The following PRKG2 variants were observed in gnomAD, a reference collection of about 807,000 sequenced individuals.
The protein encoded by PRKG2 is protein kinase cGMP-dependent 2.
PRKG2 carries 33 observed loss-of-function variants against 97.2 expected under a neutral mutation model. The observed-to-expected ratio is 0.34, with a 90% CI of 0.26 to 0.45. The LOEUF is 0.45. Among genes scored for constraint, PRKG2 ranks in the 20% least tolerant of loss-of-function variants. PRKG2 has a pLI of 1.00. For missense variants in PRKG2, 638 were observed against 900.0 expected, an observed-to-expected ratio of 0.71 and a Z score of 3.73; for synonymous variants, 330 against 321.8, an observed-to-expected ratio of 1.03 and a Z score of -0.27.
intron 2 of PRKG2, among the ~76,000 whole-genome samples, chr4:81,200,948 G>C (rs1290808125): frequency 1.3e-5 from 2 of 152,152 alleles, no homozygotes; most frequent in African/African-American, 2.4e-5. Flanking sequence ...TCCCTACAAA[G>C]AGCTATGATA....
rs1374521261 is a variant in PRKG2 at position 81,171,800 on chromosome 4, A to G, written c.633T>C (p.Gly211=). Residue 211 remains glycine, a synonymous_variant, in exon 4 of 19, where the codon GGT becomes GGC. Transcript: ENST00000264399. ...PGNHIFVLAE[G]RLEVFQGEKL... is the part of the protein sequence containing the mutation. ...TCTCCCCTTGGAACACCTCTAGTCGACCCTCTATCAAGCAGAATTTTAAAA... is the reference window on the plus strand; with the variant it reads ...TCTCCCCTTGGAACACCTCTAGTCGGCCCTCTATCAAGCAGAATTTTAAAA... 3 of 1,598,530 alleles carry G rather than the reference A, an allele frequency of 1.9e-6. 1 individual carries two copies. In the South Asian group the frequency reaches 3.4e-5, roughly 18 times the overall value.
intron 2 of PRKG2, among the ~76,000 whole-genome samples, chr4:81,201,335 C>G (rs1753298843): frequency 6.6e-6 from 1 of 152,176 alleles, no homozygotes; most frequent in Admixed American, 6.5e-5. Flanking sequence ...TATCGTAAAG[C>G]ATGGATTATA....
At chr4:81,217,452 A>G (rs540363542), upstream of PRKG2, among the ~76,000 whole-genome samples, 6 of 152,300 alleles carry the variant, frequency 3.9e-5, no homozygotes, top group African/African-American at 1.4e-4. Context: ...TGCTCTGTCA[A>G]ATCTACAACT....
chr4:81,096,427 T>A (rs1466516268), intron 17 of PRKG2, among the ~76,000 whole-genome samples: 2 of 152,024 alleles, frequency 1.3e-5, no homozygotes, highest in African/African-American at 4.8e-5. Context: ...TTCCAGCTAC[T>A]CAGGAGGCTA....
At chr4:81,131,952 A>T (rs1193333059) in intron 14 of PRKG2, among the ~76,000 whole-genome samples, 1 of 152,128 alleles carries the variant, frequency 6.6e-6, no homozygotes, top group African/African-American at 2.4e-5. Flanking sequence ...ATTTTAGAAT[A>T]AACATCTCCA....
chr4:81,092,513 G>A lies in PRKG2; in HGVS notation c.2127-61C>T, dbSNP rs78382180. On this transcript the variant is annotated intron_variant, in intron 17 of 18. Coordinates refer to ENST00000264399, the MANE Select transcript of PRKG2 (RefSeq NM_006259.3). ...GGAAGGAAGGAAGGAAGGAAGGAAG[G>A]GAGAAAGAAAGAGACGACAAAAAGG... 1.3e-3 allele frequency: 1,235 copies of A among 983,310 alleles called. 15 individuals are homozygous for A. In the African/African-American group the frequency reaches 0.018, roughly 15 times the overall value. The allele number at this position is 983,310 out of a possible 1,614,324, so 60.9% of individuals were successfully genotyped here. A position where few individuals can be genotyped will look rare whatever the true frequency, so the allele number is the denominator to read the frequency against.
intron 3 of PRKG2, 62 bp downstream of exon 3, chr4:81,174,727 ATGTT>A: frequency 6.9e-7 from 1 of 1,443,866 alleles, no homozygotes; most frequent in Non-Finnish European, 9.4e-7. Context: ...GTTTTTATAA[ATGTT>A]TGCAGAAAAT....
Position 81,089,573 on chromosome 4 carries a change from C to T in PRKG2, c.*135G>A. 1 of 626,648 alleles carries T rather than the reference C, an allele frequency of 1.6e-6. No homozygotes were observed. The highest frequency in any genetic ancestry group is 2.7e-6 in the Non-Finnish European group (1 of 366,234). The allele number at this position is 626,648 out of a possible 1,614,324, so 38.8% of individuals were successfully genotyped here. On this transcript the variant is annotated 3_prime_UTR_variant, in exon 19 of 19. Coordinates refer to ENST00000264399, the MANE Select transcript of PRKG2 (RefSeq NM_006259.3). ...CATATCCACACCATTCTCCTCTTCC[C>T]ATTGTGCAGGAATTTCTTTTCCCTA... is the stretch of plus-strand genomic sequence containing the variant.
In PRKG2 at chr4:81,133,233, C is replaced by A. The variant is rs1228879486; in HGVS notation, c.1776+1922G>T. Among the ~76,000 whole-genome samples, 4 of 152,298 alleles carry A rather than the reference C, an allele frequency of 2.6e-5. No homozygotes were observed. The East Asian group carries it at 7.7e-4, about 29-fold the overall frequency. On this transcript the variant is annotated intron_variant, in intron 14 of 18. Transcript: ENST00000264399. Reference sequence around the variant, plus strand: ...TTAGGGATAGGTTTCTATTCCTCTACCAAGAGCCAATAATGAGAAAAGCAT... The same window carrying A: ...TTAGGGATAGGTTTCTATTCCTCTAACAAGAGCCAATAATGAGAAAAGCAT...
chr4:81,119,991 C>T (rs1744924736), intron 14 of PRKG2, among the ~76,000 whole-genome samples: 1 of 152,182 alleles, frequency 6.6e-6, no homozygotes, highest in African/African-American at 2.4e-5. Context: ...CTTACGGATA[C>T]TGTTAAAGAG....
intron 6 of PRKG2, 47 bp downstream of exon 6, chr4:81,167,114 T>C: frequency 8.0e-7 from 1 of 1,249,982 alleles, no homozygotes; most frequent in Non-Finnish European, 1.1e-6. Context: ...ATAAGTACAT[T>C]CTAATATCTT....
chr4:81,148,075 T>C (rs1008958609), intron 9 of PRKG2, among the ~76,000 whole-genome samples: 1 of 152,162 alleles, frequency 6.6e-6, no homozygotes, highest in Admixed American at 6.5e-5. Flanking sequence ...TAAAGTTTTT[T>C]CCAGCTCTAT....
chr4:81,127,054 G>C (rs578013640), intron 14 of PRKG2, among the ~76,000 whole-genome samples: 3 of 152,174 alleles, frequency 2.0e-5, no homozygotes, highest in African/African-American at 7.2e-5. Context: ...AAGATGTAAG[G>C]AAGGGGTCCA....
At chr4:81,095,210 T>C (rs1741999459) in intron 17 of PRKG2, among the ~76,000 whole-genome samples, 1 of 152,200 alleles carries the variant, frequency 6.6e-6, no homozygotes, top group Non-Finnish European at 1.5e-5. Context: ...CCATTTCAGA[T>C]GCTATTCTAA....
rs898549122 is a variant in PRKG2, at chr4:81,170,643, C to T, written c.743-875G>A. Among the ~76,000 whole-genome samples, 15 of 152,172 alleles carry T rather than the reference C, an allele frequency of 9.9e-5. 1 individual carries two copies. The highest frequency in any genetic ancestry group is 1.9e-4 in the Non-Finnish European group (13 of 67,990). On this transcript the variant is annotated intron_variant, in intron 4 of 18. Transcript: ENST00000264399. ...AAGGCTAACACATATAAACTAGTCCCAAACACTGAAAAACATCATATCTAT... is the reference window on the plus strand; with the variant it reads ...AAGGCTAACACATATAAACTAGTCCTAAACACTGAAAAACATCATATCTAT...
At chr4:81,156,434 T>C (rs1445499820) in intron 6 of PRKG2, among the ~76,000 whole-genome samples, 1 of 152,072 alleles carries the variant, frequency 6.6e-6, no homozygotes, top group African/African-American at 2.4e-5. Flanking sequence ...ATAAAGCAAG[T>C]CCTGAATGAC....
At chr4:81,178,651 ATATT>A (rs1433365874) in intron 2 of PRKG2, among the ~76,000 whole-genome samples, 1 of 151,958 alleles carries the variant, frequency 6.6e-6, no homozygotes, top group Non-Finnish European at 1.5e-5. Context: ...CAGCTAGAAT[ATATT>A]TATAGAAGAT....
At chr4:81,136,154 C>T (rs766453489) in intron 13 of PRKG2, among the ~76,000 whole-genome samples, 4 of 152,194 alleles carry the variant, frequency 2.6e-5, no homozygotes, top group Non-Finnish European at 5.9e-5. Flanking sequence ...AAAGTCTCCT[C>T]ACCCTTCCAG....
At chr4:81,123,028 A>T (rs1407645345) in intron 14 of PRKG2, among the ~76,000 whole-genome samples, 1 of 152,228 alleles carries the variant, frequency 6.6e-6, no homozygotes, top group Non-Finnish European at 1.5e-5. Context: ...AATTTTGTTA[A>T]TGTGTATTCT....
Sources: gnomAD v4.1 joint callset for allele counts (sites outside exome capture counted in the v4.1 genomes callset) on GRCh38, gnomAD v4.1.1 for gene constraint, MANE v1.5 for transcripts, NCBI Gene and HGNC (gene_info 2026-07-23, HGNC 2026-07-21) for gene names.